Variants in DPYD observed in about 807,000 individuals in gnomAD.
DPYD encodes the protein dihydropyrimidine dehydrogenase [NADP(+)].
DPYD carries 109 observed loss-of-function variants against 116.2 expected under a neutral mutation model. The observed-to-expected ratio is 0.94, with a 90% CI of 0.80 to 1.10. The LOEUF is 1.10. Among genes scored for constraint, DPYD ranks in the 50% least tolerant of loss-of-function variants. The pLI, the probability that DPYD is intolerant of heterozygous loss-of-function variation, is 0.00. For synonymous variants in DPYD, 440 were observed against 432.0 expected (o/e 1.02, Z -0.23); for missense variants, 1,302 against 1,254.5 (o/e 1.04, Z -0.57).
At chr1:97,368,212 A>G (rs1671141341) in intron 16 of DPYD, among the ~76,000 whole-genome samples, 1 of 152,180 alleles carries the variant, frequency 6.6e-6, no homozygotes, top group African/African-American at 2.4e-5. Context: ...AATACTAGAC[A>G]GAACACTAGA....
intron 11 of DPYD, among the ~76,000 whole-genome samples, chr1:97,564,976 C>T (rs980327601): frequency 6.6e-6 from 1 of 152,016 alleles, no homozygotes; most frequent in Non-Finnish European, 1.5e-5. Flanking sequence ...CGCCTCTCTC[C>T]AAAACACTAA....
chr1:97,165,743 T>G (rs1159882245), intron 20 of DPYD, among the ~76,000 whole-genome samples: 1 of 152,054 alleles, frequency 6.6e-6, no homozygotes, highest in East Asian at 1.9e-4. Context: ...TAACAACCCC[T>G]TAATAAGTGG....
At chr1:97,427,608 G>A (rs1399778970) in intron 14 of DPYD, among the ~76,000 whole-genome samples, 3 of 151,606 alleles carry the variant, frequency 2.0e-5, no homozygotes, top group South Asian at 2.1e-4. Context: ...TTCCTCTTTC[G>A]GTCTTGTGTT....
intron 3 of DPYD, among the ~76,000 whole-genome samples, chr1:97,772,636 T>C (rs1189157184): frequency 6.6e-6 from 1 of 152,102 alleles, no homozygotes; most frequent in Non-Finnish European, 1.5e-5. Context: ...GAATGATAAC[T>C]AGGGAGAACA....
chr1:97,172,343 G>C (rs1277040104), intron 20 of DPYD, among the ~76,000 whole-genome samples: 1 of 152,090 alleles, frequency 6.6e-6, no homozygotes, highest in Non-Finnish European at 1.5e-5. Flanking sequence ...GTTCTGACGA[G>C]CCCAAAAATG....
At chr1:97,674,727 T>C (rs552441189) in intron 8 of DPYD, among the ~76,000 whole-genome samples, 1 of 152,202 alleles carries the variant, frequency 6.6e-6, no homozygotes, top group South Asian at 2.1e-4. Flanking sequence ...CCTGAAATTG[T>C]GCAATATGGT....
intron 16 of DPYD, among the ~76,000 whole-genome samples, chr1:97,339,460 T>C (rs910695417): frequency 2.0e-5 from 3 of 152,196 alleles, no homozygotes; most frequent in African/African-American, 7.2e-5. Context: ...AAAGAAAGAT[T>C]ATGCGACTAT....
At chr1:97,204,065 T>C (rs1659433576) in intron 19 of DPYD, among the ~76,000 whole-genome samples, 1 of 152,114 alleles carries the variant, frequency 6.6e-6, no homozygotes, top group African/African-American at 2.4e-5. Context: ...GAATAAACTA[T>C]GTAAGAGTTA....
intron 3 of DPYD, among the ~76,000 whole-genome samples, chr1:97,763,490 T>C (rs1412430926): frequency 6.6e-6 from 1 of 152,014 alleles, no homozygotes; most frequent in Admixed American, 6.6e-5. Context: ...TCTACCTTCA[T>C]TGTGTCCATC....
intron 18 of DPYD, among the ~76,000 whole-genome samples, chr1:97,291,611 C>T (rs1666179070): frequency 6.6e-6 from 1 of 151,934 alleles, no homozygotes; most frequent in South Asian, 2.1e-4. Flanking sequence ...ACCGCATTTT[C>T]TCACTCATAG....
In DPYD at chr1:97,465,636, G is replaced by C. The variant is rs531065122; in HGVS notation, c.1741-15413C>G. Among the ~76,000 whole-genome samples the C allele has an allele frequency of 1.1e-3, 169 of 152,286 alleles. 3 individuals carry two copies. Among genetic ancestry groups the C allele is most frequent in the East Asian group, 1.9e-4 (1 of 5,190 alleles). The stretch of plus-strand genomic sequence containing the variant: ...TGCCTGCTGTCATCCACGTAAGTAA[G>C]ACGTGACTTGCTCCTCCTTGCCTTC... On this transcript the variant is annotated intron_variant, in intron 13 of 22. Coordinates refer to ENST00000370192, the MANE Select transcript of DPYD (RefSeq NM_000110.4).
At chr1:97,245,398 C>T (rs35182755) in intron 18 of DPYD, among the ~76,000 whole-genome samples, 30,244 of 151,938 alleles carry the variant, frequency 0.2, 3,148 homozygotes, top group Middle Eastern at 0.3. Context: ...TTTTTGCCTA[C>T]AATTTTAAAG....
At chr1:97,497,820 A>G (rs1679355168) in intron 13 of DPYD, among the ~76,000 whole-genome samples, 1 of 151,782 alleles carries the variant, frequency 6.6e-6, no homozygotes, top group Admixed American at 6.6e-5. Context: ...CAGAAACTCC[A>G]CTCCTAACTA....
chr1:97,900,352 C>A (rs1673298695), intron 1 of DPYD, among the ~76,000 whole-genome samples: 1 of 151,744 alleles, frequency 6.6e-6, no homozygotes, highest in Non-Finnish European at 1.5e-5. Context: ...CATGTTATAC[C>A]CCAACACCTG....
At chr1:97,836,475 C>A (rs765083527) in intron 2 of DPYD, among the ~76,000 whole-genome samples, 13 of 151,982 alleles carry the variant, frequency 8.6e-5, no homozygotes, top group Non-Finnish European at 1.5e-4. Context: ...TGTAATAACA[C>A]CACCCAGTGT....
intron 3 of DPYD, among the ~76,000 whole-genome samples, chr1:97,767,316 T>C (rs921363598): frequency 2.0e-5 from 3 of 152,198 alleles, no homozygotes; most frequent in African/African-American, 7.2e-5. Flanking sequence ...TCCATTTTTT[T>C]ACCCTTCCCT....
chr1:97,374,212 A>C (rs1284303793), intron 15 of DPYD, among the ~76,000 whole-genome samples: 2 of 152,210 alleles, frequency 1.3e-5, no homozygotes, highest in Admixed American at 6.5e-5. Flanking sequence ...ATACTTAAAA[A>C]CAGTTTGTCT....
intron 14 of DPYD, among the ~76,000 whole-genome samples, chr1:97,417,063 A>T (rs1674327196): frequency 6.6e-6 from 1 of 152,170 alleles, no homozygotes; most frequent in Non-Finnish European, 1.5e-5. Flanking sequence ...ATTATTAATT[A>T]TTTAAAAATG....
At chr1:97,575,110 G>A (rs1466120562) in intron 10 of DPYD, among the ~76,000 whole-genome samples, 2 of 152,146 alleles carry the variant, frequency 1.3e-5, no homozygotes, top group Non-Finnish European at 2.9e-5. Context: ...AACTTTGGAG[G>A]GTTAAGTGGG....
Sources: allele counts gnomAD v4.1 joint callset (sites outside exome capture counted in the v4.1 genomes callset), GRCh38; gene constraint gnomAD v4.1.1; transcripts MANE v1.5; gene names NCBI Gene and HGNC (gene_info 2026-07-23, HGNC 2026-07-21).